The following STXBP4 variants were observed in gnomAD, a reference collection of about 807,000 sequenced individuals.
STXBP4 encodes syntaxin-binding protein 4.
A neutral mutation model predicts 76.1 loss-of-function variants in STXBP4; 55 were observed. The ratio of observed to expected loss-of-function variants is 0.72; its 90% CI spans 0.58 to 0.91. STXBP4 has a LOEUF of 0.91. Among genes scored for constraint, STXBP4 ranks in the 40% least tolerant of loss-of-function variants. The probability of loss-of-function intolerance (pLI) is 0.00; values close to 1 mark genes in which losing one functional copy is unlikely to be tolerated. For missense variants in STXBP4, 618 were observed against 636.9 expected (o/e 0.97, Z 0.32); for synonymous variants, 201 against 220.2 (o/e 0.91, Z 0.77).
chr17:55,060,474 A>T (rs765691599), intron 12 of STXBP4, among the ~76,000 whole-genome samples: 1 of 152,122 alleles, frequency 6.6e-6, no homozygotes, highest in Non-Finnish European at 1.5e-5. Context: ...CCTTTTGAAG[A>T]TCTTGACACC....
chr17:55,049,025 T>C (rs2078826106), intron 12 of STXBP4, among the ~76,000 whole-genome samples: 4 of 151,954 alleles, frequency 2.6e-5, no homozygotes, highest in Admixed American at 2.6e-4. Flanking sequence ...TTAAGCAACT[T>C]ATGAAGGCAA....
At chr17:55,112,858 G>A (rs1333596492) in intron 16 of STXBP4, among the ~76,000 whole-genome samples, 8 of 152,036 alleles carry the variant, frequency 5.3e-5, no homozygotes. Flanking sequence ...TAGATGACTG[G>A]GAAGAGAGGA....
chr17:55,050,313 T>C (rs1763786410), intron 12 of STXBP4, among the ~76,000 whole-genome samples: 1 of 152,028 alleles, frequency 6.6e-6, no homozygotes, highest in Non-Finnish European at 1.5e-5. Flanking sequence ...GCAAAAGACC[T>C]GAACAGATAA....
At chr17:55,001,503 A>C (rs1756611793) in intron 7 of STXBP4, among the ~76,000 whole-genome samples, 1 of 152,216 alleles carries the variant, frequency 6.6e-6, no homozygotes, top group Admixed American at 6.5e-5. Flanking sequence ...CCCTGAAATT[A>C]TCTCCAAAAG....
At chr17:55,197,936 CA>C in the STXBP4 span, among the ~76,000 whole-genome samples, 1 of 152,036 alleles carries the variant, frequency 6.6e-6, no homozygotes, top group African/African-American at 2.4e-5. Context: ...GAGTTTTAAA[CA>C]AAGAATTGGA....
At chr17:55,189,363 T>C in the STXBP4 span, among the ~76,000 whole-genome samples, 2 of 152,210 alleles carry the variant, frequency 1.3e-5, no homozygotes, top group Non-Finnish European at 2.9e-5. Flanking sequence ...CCTGTGTAAG[T>C]TGAAGCTAAG....
At position 55,123,894 on chromosome 17, in the gene STXBP4, G is replaced by C. The variant is rs188743440; in HGVS notation, c.1490-17416G>C. On this transcript the variant is annotated intron_variant, in intron 16 of 17. Coordinates refer to ENST00000376352, the MANE Select transcript of STXBP4 (RefSeq NM_178509.6). ...CAACCTGGCGACAAAGCAAGACTCA[G>C]TCTCAAAAAAAAAAAAGAAGATAAA... is the stretch of plus-strand genomic sequence containing the variant. 4.4e-3 allele frequency among the ~76,000 whole-genome samples: 662 copies of C among 150,864 alleles called. 5 individuals are homozygous for C. Among genetic ancestry groups the C allele is most frequent in the Admixed American group, 0.013 (198 of 15,140 alleles).
At chr17:55,193,150 A>C in the STXBP4 span, among the ~76,000 whole-genome samples, 4 of 152,198 alleles carry the variant, frequency 2.6e-5, no homozygotes, top group Non-Finnish European at 4.4e-5. Flanking sequence ...TTTGAGGAAG[A>C]CTTTCCAGTC....
intron 8 of STXBP4, among the ~76,000 whole-genome samples, chr17:55,027,759 A>T (rs2078441171): frequency 6.6e-6 from 1 of 152,166 alleles, no homozygotes; most frequent in Non-Finnish European, 1.5e-5. Context: ...ACAGATCAAG[A>T]ATGATAAAGA....
At chr17:55,093,242 G>A (rs746621107) in intron 16 of STXBP4, among the ~76,000 whole-genome samples, 1 of 151,970 alleles carries the variant, frequency 6.6e-6, no homozygotes, top group Non-Finnish European at 1.5e-5. Context: ...TGCCCCCCTC[G>A]GCCTCCCAAA....
intron 12 of STXBP4, among the ~76,000 whole-genome samples, chr17:55,066,911 A>G (rs766146678): frequency 6.6e-6 from 1 of 152,178 alleles, no homozygotes; most frequent in Non-Finnish European, 1.5e-5. Flanking sequence ...TAATTTGCCT[A>G]TTATTATATG....
Position 55,043,301 on chromosome 17 carries a change from C to A in STXBP4, c.921C>A (p.Ala307=). 6.6e-7 allele frequency: 1 copy of A among 1,526,056 alleles called. No individual in the cohort carries two copies. Among genetic ancestry groups the A allele is most frequent in the East Asian group, 2.4e-5 (1 of 41,676 alleles). The allele number at this position is 1,526,056 out of a possible 1,614,324, so 94.5% of individuals were successfully genotyped here. A position where few individuals can be genotyped will look rare whatever the true frequency, so the allele number is the denominator to read the frequency against. The change falls in exon 11 of 18, where the codon GCC becomes GCA. Residue 307 remains alanine, a synonymous_variant. Transcript: ENST00000376352. ...GGCTCAAGTGTGAAAGAGATGATGC[C>A]TTGAAAGAAGTAAATACACTTAAGG... ...MERLKCERDD[A]LKEVNTLKEK...
At chr17:55,197,565 A>T in the STXBP4 span, among the ~76,000 whole-genome samples, 4 of 152,024 alleles carry the variant, frequency 2.6e-5, no homozygotes, top group Admixed American at 2.0e-4. Flanking sequence ...AACACGGTGA[A>T]ATCCTGTTTC....
chr17:55,131,398 T>C (rs1334076485), intron 16 of STXBP4, among the ~76,000 whole-genome samples: 1 of 152,212 alleles, frequency 6.6e-6, no homozygotes, highest in Non-Finnish European at 1.5e-5. Context: ...CATAGGGATA[T>C]TTATGAAATC....
At chr17:55,064,484 T>C (rs980449687) in intron 12 of STXBP4, among the ~76,000 whole-genome samples, 2 of 152,012 alleles carry the variant, frequency 1.3e-5, no homozygotes, top group Middle Eastern at 3.2e-3. Flanking sequence ...TTTCCCTCTG[T>C]CTACAAATTG....
intron 17 of STXBP4, among the ~76,000 whole-genome samples, chr17:55,147,391 T>C (rs2080169369): frequency 6.6e-6 from 1 of 152,208 alleles, no homozygotes; most frequent in Non-Finnish European, 1.5e-5. Flanking sequence ...GCTCAGGCAG[T>C]AGTACTCGCT....
chr17:55,177,246 G>C (rs1350840973), downstream of STXBP4, among the ~76,000 whole-genome samples: 1 of 151,938 alleles, frequency 6.6e-6, no homozygotes, highest in African/African-American at 2.4e-5. Context: ...CCCAGGTGTA[G>C]AGGACAGCTG....
intron 16 of STXBP4, among the ~76,000 whole-genome samples, chr17:55,125,835 G>A (rs1223242217): frequency 2.6e-5 from 4 of 152,092 alleles, no homozygotes; most frequent in Non-Finnish European, 5.9e-5. Flanking sequence ...AGTCTTTCTG[G>A]CCTATAGAAC....
intron 17 of STXBP4, among the ~76,000 whole-genome samples, chr17:55,145,231 T>G (rs1022125544): frequency 6.6e-6 from 1 of 152,220 alleles, no homozygotes; most frequent in East Asian, 1.9e-4. Flanking sequence ...AACAAAAAAT[T>G]TTGAGTCTGT....
Sources: gnomAD v4.1 joint callset for allele counts (sites outside exome capture counted in the v4.1 genomes callset) on GRCh38, gnomAD v4.1.1 for gene constraint, MANE v1.5 for transcripts, NCBI Gene and HGNC (gene_info 2026-07-23, HGNC 2026-07-21) for gene names.